The following DLGAP2 variants were observed in gnomAD, a reference collection of about 807,000 sequenced individuals.
DLGAP2 encodes DLG associated protein 2.
Under a neutral mutation model 100.3 loss-of-function variants are expected in DLGAP2, and 26 were observed. The observed-to-expected ratio is 0.26, with a 90% CI of 0.19 to 0.36. The LOEUF (loss-of-function observed/expected upper bound fraction) is 0.36, where lower values mean the gene tolerates loss of function less well. Ranked by LOEUF, DLGAP2 falls within the 10% of genes least tolerant of loss-of-function variation. The pLI, the probability that DLGAP2 is intolerant of heterozygous loss-of-function variation, is 1.00. For synonymous variants in DLGAP2, 886 were observed against 630.1 expected, an observed-to-expected ratio of 1.41 and a Z score of -6.08; for missense variants, 1,858 against 1,453.2, an observed-to-expected ratio of 1.28 and a Z score of -4.53.
chr8:1,351,163 T>C (rs1352051715), intron 3 of DLGAP2, among the ~76,000 whole-genome samples: 2 of 15,832 alleles, frequency 1.3e-4, no homozygotes, highest in East Asian at 5.3e-3. Context: ...CCTGACTGTG[T>C]GTGGAAAGGC....
intron 1 of DLGAP2, among the ~76,000 whole-genome samples, chr8:861,617 T>C (rs1436753673): frequency 2.0e-5 from 3 of 152,244 alleles, no homozygotes; most frequent in Non-Finnish European, 4.4e-5. Flanking sequence ...TTTTTACCTT[T>C]AATGTGAAAT....
intron 2 of DLGAP2, among the ~76,000 whole-genome samples, chr8:1,162,973 G>A (rs1796920591): frequency 6.6e-6 from 1 of 152,236 alleles, no homozygotes; most frequent in Non-Finnish European, 1.5e-5. Flanking sequence ...CTTGGTAGAA[G>A]GCACCTGAGG....
intron 4 of DLGAP2, among the ~76,000 whole-genome samples, chr8:1,530,063 C>A (rs146491701): frequency 0.014 from 2,172 of 152,280 alleles, 58 homozygotes; most frequent in African/African-American, 0.05. Context: ...TTTCGGGCAC[C>A]ACTGTCATTG....
At chr8:1,478,404 A>G (rs571622796) in intron 3 of DLGAP2, among the ~76,000 whole-genome samples, 1 of 152,176 alleles carries the variant, frequency 6.6e-6, no homozygotes, top group East Asian at 1.9e-4. Flanking sequence ...TTTCCATGAC[A>G]TTTTCAGGAG....
chr8:828,064 G>A (rs1012046914), intron 1 of DLGAP2, among the ~76,000 whole-genome samples: 22 of 152,230 alleles, frequency 1.4e-4, no homozygotes, highest in African/African-American at 4.6e-4. Context: ...ACTTAACAGG[G>A]TAATAGAATA....
intron 2 of DLGAP2, among the ~76,000 whole-genome samples, chr8:1,076,884 G>A (rs1462216548): frequency 2.0e-5 from 3 of 147,020 alleles, no homozygotes; most frequent in East Asian, 4.1e-4. Context: ...ACCAAGAGGG[G>A]GAGGAGGAGT....
At chr8:1,147,272 T>C (rs1022657642) in intron 2 of DLGAP2, among the ~76,000 whole-genome samples, 2 of 151,456 alleles carry the variant, frequency 1.3e-5, no homozygotes, top group Admixed American at 1.3e-4. Flanking sequence ...AAAATGATGC[T>C]TTTGTAAAAA....
At chr8:1,369,869 G>C (rs1274140839) in intron 3 of DLGAP2, 1 of 152,266 alleles carries the variant, frequency 6.6e-6, no homozygotes, top group African/African-American at 2.4e-5. Context: ...CAAGGCACAA[G>C]CCTGGCGGGA....
intron 2 of DLGAP2, among the ~76,000 whole-genome samples, chr8:1,040,371 GCTTGGTTTCCGTGGTCA>G: frequency 3.6e-5 from 5 of 138,072 alleles, no homozygotes; most frequent in African/African-American, 5.1e-5. Flanking sequence ...TGCGTGGTCA[GCTTGGTTTCCGTGGTCA>G]GCTCGGTGTG....
chr8:890,985 C>T (rs1798022771), intron 1 of DLGAP2, among the ~76,000 whole-genome samples: 1 of 152,134 alleles, frequency 6.6e-6, no homozygotes, highest in Admixed American at 6.5e-5. Flanking sequence ...GGACCTGGGT[C>T]AGTGCTATTG....
chr8:1,676,783 C>A (rs1020971009), intron 11 of DLGAP2, among the ~76,000 whole-genome samples, 165 bp downstream of exon 11: 3 of 152,204 alleles, frequency 2.0e-5, no homozygotes, highest in African/African-American at 7.2e-5. Context: ...TATGAATTAA[C>A]ACCCGCCTAT....
intron 2 of DLGAP2, among the ~76,000 whole-genome samples, chr8:1,171,159 A>C (rs928140258): frequency 2.0e-4 from 30 of 152,134 alleles, no homozygotes; most frequent in East Asian, 5.8e-4. Context: ...CCTTCAGGAG[A>C]AGGTTGTTCA....
intron 1 of DLGAP2, among the ~76,000 whole-genome samples, chr8:880,684 C>T (rs564252295): frequency 6.6e-6 from 1 of 151,946 alleles, no homozygotes; most frequent in South Asian, 2.1e-4. Context: ...GGGTGACCGT[C>T]CAGTGTGTGT....
chr8:1,495,128 C>T (rs1280062654), intron 3 of DLGAP2, among the ~76,000 whole-genome samples: 1 of 152,348 alleles, frequency 6.6e-6, no homozygotes, highest in African/African-American at 2.4e-5. Context: ...CTGCCAAGAT[C>T]AGACGGGGGC....
At chr8:957,658 G>C (rs374949506) in intron 2 of DLGAP2, among the ~76,000 whole-genome samples, 48 of 152,274 alleles carry the variant, frequency 3.2e-4, no homozygotes, top group South Asian at 1.9e-3. Flanking sequence ...CATAATGACC[G>C]TCATTAATGA....
intron 3 of DLGAP2, among the ~76,000 whole-genome samples, chr8:1,378,913 C>T (rs1055565610): frequency 1.3e-5 from 2 of 152,202 alleles, no homozygotes; most frequent in Admixed American, 1.3e-4. Context: ...CCTTTGGCCT[C>T]CAAGTTGTTA....
intron 1 of DLGAP2, among the ~76,000 whole-genome samples, chr8:800,943 G>A (rs1445884770): frequency 2.3e-5 from 3 of 131,916 alleles, no homozygotes; most frequent in Non-Finnish European, 3.4e-5. Flanking sequence ...TGGCTTGCTT[G>A]TTGTGCCCCC....
chr8:1,473,730 A>T (rs1188072213), intron 3 of DLGAP2, among the ~76,000 whole-genome samples: 2 of 152,178 alleles, frequency 1.3e-5, no homozygotes, highest in Non-Finnish European at 2.9e-5. Context: ...GAGATCACTG[A>T]ATCATGGGGT....
intron 3 of DLGAP2, among the ~76,000 whole-genome samples, chr8:1,272,345 A>C (rs1276969113): frequency 2.0e-5 from 3 of 152,178 alleles, no homozygotes; most frequent in African/African-American, 7.2e-5. Flanking sequence ...GTAGGGGCCA[A>C]GGAATTTCCA....
Sources: gnomAD v4.1 joint callset for allele counts (sites outside exome capture counted in the v4.1 genomes callset) on GRCh38, gnomAD v4.1.1 for gene constraint, MANE v1.5 for transcripts, NCBI Gene and HGNC (gene_info 2026-07-23, HGNC 2026-07-21) for gene names.